NCALD: variants seen among roughly 807,000 people sequenced by gnomAD.
The protein encoded by NCALD is neurocalcin delta, also known as neurocalcin-delta.
A neutral mutation model predicts 18.6 loss-of-function variants in NCALD; 10 were observed. That is an observed-to-expected ratio of 0.54 (90% CI 0.33 to 0.91). The LOEUF (loss-of-function observed/expected upper bound fraction) is 0.91. Among genes scored for constraint, NCALD ranks in the 40% least tolerant of loss-of-function variants. The pLI is 0.03. For missense variants in NCALD, 184 were observed against 247.6 expected (o/e 0.74, Z 1.72); for synonymous variants, 88 against 87.4 (o/e 1.01, Z -0.04).
intron 1 of NCALD, among the ~76,000 whole-genome samples, chr8:101,749,420 G>C (rs1431965818): frequency 6.6e-6 from 1 of 152,058 alleles, no homozygotes; most frequent in Non-Finnish European, 1.5e-5. Flanking sequence ...AGTTCTGGGG[G>C]CCTCTGGAAC....
rs1433144235 is a variant in NCALD, at chr8:101,913,955, A to G, written c.-107+1854T>C. Among the ~76,000 whole-genome samples the G allele has an allele frequency of 2.0e-4, 31 of 152,208 alleles. 1 individual carries two copies. The highest frequency in any genetic ancestry group is 2.0e-3 in the Admixed American group (31 of 15,266). On this transcript the variant is annotated intron_variant, in intron 3 of 6. Coordinates refer to the NCALD transcript ENST00000311028. Reference sequence around the variant, plus strand: ...TACAGGATTATAAAGATAATACAGAAAGTTCTTGTATACCCCATACCCAGT... The same window carrying G: ...TACAGGATTATAAAGATAATACAGAGAGTTCTTGTATACCCCATACCCAGT...
intron 1 of NCALD, among the ~76,000 whole-genome samples, chr8:102,059,944 C>T (rs774526510): frequency 9.2e-5 from 14 of 152,036 alleles, no homozygotes; most frequent in Admixed American, 5.2e-4. Context: ...GTCTGGAGTA[C>T]GGCCGTGAAG....
At chr8:101,929,084 G>C (rs1818444031) in intron 2 of NCALD, among the ~76,000 whole-genome samples, 1 of 151,498 alleles carries the variant, frequency 6.6e-6, no homozygotes, top group African/African-American at 2.4e-5. Flanking sequence ...GTGATAGTCG[G>C]GCTGTCAAAT....
intron 2 of NCALD, among the ~76,000 whole-genome samples, chr8:102,004,303 T>C (rs200809534): frequency 5.9e-5 from 9 of 152,130 alleles, no homozygotes; most frequent in Admixed American, 1.3e-4. Flanking sequence ...AATAAAATAC[T>C]TAGGAATCCA....
intron 1 of NCALD, among the ~76,000 whole-genome samples, chr8:101,760,227 C>T (rs1413490532): frequency 2.0e-5 from 3 of 152,210 alleles, no homozygotes; most frequent in Non-Finnish European, 2.9e-5. Flanking sequence ...ACTCCTCCCA[C>T]GCTGTTTGGC....
At chr8:102,116,847 T>G (rs992013622) in intron 1 of NCALD, among the ~76,000 whole-genome samples, 1 of 151,988 alleles carries the variant, frequency 6.6e-6, no homozygotes, top group Non-Finnish European at 1.5e-5. Context: ...GAATATGACC[T>G]TATTTGGAAA....
At chr8:101,880,194 C>A (rs947279717) in intron 4 of NCALD, among the ~76,000 whole-genome samples, 1 of 152,146 alleles carries the variant, frequency 6.6e-6, no homozygotes, top group Non-Finnish European at 1.5e-5. Flanking sequence ...GCTGGTGGGC[C>A]GGCACTGCTG....
intron 2 of NCALD, among the ~76,000 whole-genome samples, chr8:101,937,573 A>T (rs1328690339): frequency 2.6e-5 from 4 of 152,178 alleles, no homozygotes; most frequent in African/African-American, 9.7e-5. Flanking sequence ...TTCTGTATCC[A>T]ATCTGTCATT....
intron 2 of NCALD, among the ~76,000 whole-genome samples, chr8:101,706,489 T>C (rs1254364836): frequency 6.6e-6 from 1 of 152,224 alleles, no homozygotes; most frequent in East Asian, 1.9e-4. Context: ...TGGGCTAATA[T>C]GGTTGTTGTG....
chr8:101,719,341 G>A lies in NCALD; in HGVS notation c.289C>T (p.Leu97=), dbSNP rs1816241732. The A allele has an allele frequency of 1.2e-6, 2 of 1,614,032 alleles. No individual in the cohort carries two copies. Among genetic ancestry groups the A allele is most frequent in the Admixed American group, 1.7e-5 (1 of 59,998 alleles). ...AAGGCCCATTTCAGCTTCTGCTCCA[G>A]CTTCCCCCTCGAAGTTACACTCAAG... ...IALSVTSRGK[L]EQKLKWAFSM... is the part of the protein sequence containing the mutation. Residue 97 remains leucine, a synonymous_variant, in exon 2 of 4, where the codon CTG becomes TTG. Coordinates refer to ENST00000220931, the MANE Select transcript of NCALD (RefSeq NM_032041.3).
chr8:101,957,295 T>TG (rs1353492214), intron 2 of NCALD, among the ~76,000 whole-genome samples: 3 of 143,642 alleles, frequency 2.1e-5, no homozygotes, highest in African/African-American at 8.1e-5. Flanking sequence ...TGGGGTTTTT[T>TG]TTTTTTTTTT....
intron 2 of NCALD, among the ~76,000 whole-genome samples, chr8:101,710,313 G>A (rs1815725041): frequency 6.6e-6 from 1 of 152,160 alleles, no homozygotes; most frequent in African/African-American, 2.4e-5. Context: ...CAGGGCCCTG[G>A]GTTTCAAGCA....
At chr8:101,990,923 G>A (rs1318393195) in intron 2 of NCALD, among the ~76,000 whole-genome samples, 2 of 152,138 alleles carry the variant, frequency 1.3e-5, no homozygotes, top group African/African-American at 4.8e-5. Context: ...CACAGCAGAC[G>A]AACTAAAACC....
chr8:101,965,805 A>C (rs1006267162), intron 2 of NCALD, among the ~76,000 whole-genome samples: 3 of 152,226 alleles, frequency 2.0e-5, no homozygotes, highest in African/African-American at 7.2e-5. Flanking sequence ...CAGCAGATTG[A>C]AAGTAAAAAC....
At chr8:101,947,406 C>G (rs1200652582) in intron 2 of NCALD, among the ~76,000 whole-genome samples, 2 of 152,150 alleles carry the variant, frequency 1.3e-5, no homozygotes, top group Non-Finnish European at 2.9e-5. Flanking sequence ...CAAATAAGGG[C>G]AATTTTGTGA....
intron 1 of NCALD, among the ~76,000 whole-genome samples, chr8:101,777,182 C>T (rs752550180): frequency 6.6e-6 from 1 of 152,192 alleles, no homozygotes; most frequent in Non-Finnish European, 1.5e-5. Flanking sequence ...AGGTCAACAT[C>T]AAGCTTGCTC....
intron 3 of NCALD, among the ~76,000 whole-genome samples, chr8:101,900,841 G>A (rs1378461371): frequency 6.6e-6 from 1 of 151,940 alleles, no homozygotes; most frequent in Non-Finnish European, 1.5e-5. Context: ...ATATAAATTA[G>A]ATCTAGTTGA....
At chr8:101,894,660 A>G (rs1817074331) in intron 3 of NCALD, among the ~76,000 whole-genome samples, 1 of 150,664 alleles carries the variant, frequency 6.6e-6, no homozygotes, top group Admixed American at 6.6e-5. Flanking sequence ...AATAGACACA[A>G]TAAAAAATGA....
At chr8:101,930,128 G>A (rs1253105160) in intron 2 of NCALD, among the ~76,000 whole-genome samples, 3 of 152,012 alleles carry the variant, frequency 2.0e-5, no homozygotes, top group African/African-American at 7.2e-5. Context: ...TTTTTAAAAT[G>A]AGAAAATTAC....
Sources: allele counts gnomAD v4.1 joint callset (sites outside exome capture counted in the v4.1 genomes callset), GRCh38; gene constraint gnomAD v4.1.1; transcripts MANE v1.5; gene names NCBI Gene and HGNC (gene_info 2026-07-23, HGNC 2026-07-21).